DBF4B: variants seen among roughly 807,000 people sequenced by gnomAD.
The protein encoded by DBF4B is DBF4B-CDC7 kinase regulatory subunit.
A neutral mutation model predicts 53.4 loss-of-function variants in DBF4B; 49 were observed. That is an observed-to-expected ratio of 0.92 (90% CI 0.73 to 1.16). The LOEUF (loss-of-function observed/expected upper bound fraction) is 1.16. DBF4B is among the 50% of genes most tolerant of loss of function. The pLI, the probability that DBF4B is intolerant of heterozygous loss-of-function variation, is 0.00. For missense variants in DBF4B, 692 were observed against 775.0 expected (o/e 0.89, Z 1.27); for synonymous variants, 257 against 288.7 (o/e 0.89, Z 1.11).
At chr17:44,710,508 C>T (rs192099637) in intron 2 of DBF4B, among the ~76,000 whole-genome samples, 3 of 152,106 alleles carry the variant, frequency 2.0e-5, no homozygotes, top group East Asian at 1.9e-4. Context: ...TTGTAAGTGA[C>T]CTCCTTTTCT....
intron 2 of DBF4B, among the ~76,000 whole-genome samples, 187 bp from the exon 3 acceptor site, chr17:44,722,693 T>G (rs1973952906): frequency 6.6e-6 from 1 of 152,226 alleles, no homozygotes; most frequent in African/African-American, 2.4e-5. Flanking sequence ...TTATCTTGTT[T>G]GGAAGGTTCC....
In DBF4B at chr17:44,750,605, C is replaced by A; in HGVS notation, c.1200C>A (p.Gly400=). The A allele has an allele frequency of 6.2e-7, 1 of 1,609,940 alleles. No individual in the cohort carries two copies. The highest frequency in any genetic ancestry group is 8.5e-7 in the Non-Finnish European group (1 of 1,177,448). The change falls in exon 14 of 14, where the codon GGC becomes GGA. Residue 400 remains glycine, a synonymous_variant. Coordinates refer to ENST00000315005, the MANE Select transcript of DBF4B (RefSeq NM_145663.3). ...EDSCQASVTQ[G]RAAGQQRWTE... ...TGATCTGCCCTCCAGTGACCCAAGG[C>A]AGGGCTGCGGGCCAGCAGCGATGGA...
chr17:44,730,150 G>A, intron 4 of DBF4B, 54 bp downstream of exon 4: 1 of 1,564,992 alleles, frequency 6.4e-7, no homozygotes, highest in Non-Finnish European at 8.7e-7. Flanking sequence ...AGTAGGCTTT[G>A]GTGAGCCTTT....
At chr17:44,748,996 C>G (rs1357199540) in intron 13 of DBF4B, 2 of 1,289,838 alleles carry the variant, frequency 1.6e-6, no homozygotes, top group East Asian at 1.1e-4. Flanking sequence ...AGGGTGGCCC[C>G]CAGGGCCTGA....
At chr17:44,730,843 C>A in intron 4 of DBF4B, 122 bp from the exon 5 acceptor site, 1 of 965,510 alleles carries the variant, frequency 1.0e-6, no homozygotes, top group Non-Finnish European at 1.6e-6. Flanking sequence ...TCAGTTGTCA[C>A]TGCTCCCAGC....
chr17:44,718,468 G>A (rs887862027), intron 2 of DBF4B, among the ~76,000 whole-genome samples: 1 of 149,782 alleles, frequency 6.7e-6, no homozygotes, highest in African/African-American at 2.5e-5. Context: ...ATTATATCTC[G>A]TTAGTCTCCT....
In DBF4B at chr17:44,743,607, CTTTTTTTT is replaced by C. The variant is rs71136042; in HGVS notation, c.830+2169_830+2176del. Among the ~76,000 whole-genome samples the C allele has an allele frequency of 1.3e-3, 150 of 114,068 alleles. 1 individual carries two copies. The highest frequency in any genetic ancestry group is 8.9e-3 in the South Asian group (32 of 3,584). The allele number at this position is 114,068 out of a possible 152,430, so 74.8% of individuals were successfully genotyped here. A position where few individuals can be genotyped will look rare whatever the true frequency, so the allele number is the denominator to read the frequency against. On this transcript the variant is annotated intron_variant, in intron 10 of 13. Coordinates refer to ENST00000315005, the MANE Select transcript of DBF4B (RefSeq NM_145663.3). ...CCAGCATAGTCAATACTGTATGATT[CTTTTTTTT>C]TTTTTTTTTTTTTGAGAATGAGTCC...
chr17:44,736,277 C>G lies in DBF4B; in HGVS notation c.631-553C>G, dbSNP rs555932358. On this transcript the variant is annotated intron_variant, in intron 7 of 13. Coordinates refer to ENST00000315005, the MANE Select transcript of DBF4B (RefSeq NM_145663.3). The stretch of plus-strand genomic sequence containing the variant: ...GAAATTACAGACGTGAGCCACCACG[C>G]CCGGCCTCCATTTACTTTTTAATAT... Among the ~76,000 whole-genome samples the G allele has an allele frequency of 2.0e-5, 3 of 152,234 alleles. No individual in the cohort carries two copies. In the South Asian group the frequency reaches 6.2e-4, roughly 32 times the overall value.
chr17:44,712,959 G>A (rs138278903), intron 2 of DBF4B, among the ~76,000 whole-genome samples: 5 of 150,552 alleles, frequency 3.3e-5, no homozygotes, highest in African/African-American at 9.8e-5. Flanking sequence ...ACACACAAAC[G>A]CACATGCATT....
Position 44,722,848 on chromosome 17 carries a change from T to A in DBF4B, c.83-32T>A, listed in dbSNP as rs780610096. ...TGGCTTCAGGACTCTCTTTTCAAAC[T>A]TCTTACTTTGCTCCTCTTTATTGTT... On this transcript the variant is annotated intron_variant, in intron 2 of 13. Transcript: ENST00000315005. 1.4e-5 allele frequency: 22 copies of A among 1,611,298 alleles called. No individual in the cohort carries two copies. In the Middle Eastern group the frequency reaches 4.9e-4, roughly 36 times the overall value.
At chr17:44,733,972 A>G (rs1975096332) in intron 6 of DBF4B, 118 bp from the exon 7 acceptor site, 9 of 796,988 alleles carry the variant, frequency 1.1e-5, no homozygotes, top group Non-Finnish European at 1.7e-5. Context: ...GTGGCAGGCA[A>G]GGCTGGAGTG....
rs543100471 is a variant in DBF4B, at chr17:44,722,781, T to A, written c.83-99T>A. ...CTGTGTGTGCCCAGGGTCTAGTCTG[T>A]GCTATTATAGCACACAGACTGAGCT... On this transcript the variant is annotated intron_variant, in intron 2 of 13. Transcript: ENST00000315005. The A allele has an allele frequency of 8.7e-6, 12 of 1,372,750 alleles. No homozygotes were observed. In the African/African-American group the frequency reaches 1.3e-4, roughly 15 times the overall value. 85.0% of individuals were successfully genotyped at this position (1,372,750 alleles called of 1,614,324 possible). A position where few individuals can be genotyped will look rare whatever the true frequency, so the allele number is the denominator to read the frequency against.
intron 13 of DBF4B, chr17:44,748,961 C>T (rs1369222172): frequency 7.8e-7 from 1 of 1,289,776 alleles, no homozygotes; most frequent in African/African-American, 1.5e-5. Context: ...GAGTTCTGGG[C>T]CACACAGCCC....
intron 9 of DBF4B, among the ~76,000 whole-genome samples, chr17:44,741,024 A>T (rs1975959891): frequency 6.6e-6 from 1 of 152,028 alleles, no homozygotes; most frequent in Non-Finnish European, 1.5e-5. Context: ...AGTCCCAGCT[A>T]CTCGGGAGGC....
rs756373241 is a variant in DBF4B at position 44,750,686 on chromosome 17, C to T, written c.1281C>T (p.Ala427=). ...GPPASHTCVS[A]TTLLPALPKG... is the part of the protein sequence containing the mutation. ...CTGCAAGTCACACATGTGTGAGTGCCACAACCCTCCTGCCGGCCTTGCCCA... is the reference window on the plus strand; with the variant it reads ...CTGCAAGTCACACATGTGTGAGTGCTACAACCCTCCTGCCGGCCTTGCCCA... Residue 427 remains alanine (A), a synonymous_variant, in exon 14 of 14, where the codon GCC becomes GCT. Coordinates refer to ENST00000315005, the MANE Select transcript of DBF4B (RefSeq NM_145663.3). 6.2e-7 allele frequency: 1 copy of T among 1,614,082 alleles called. No homozygotes were observed. Among genetic ancestry groups the T allele is most frequent in the Non-Finnish European group, 8.5e-7 (1 of 1,180,040 alleles).
At chr17:44,741,084 G>A (rs1447826831) in intron 9 of DBF4B, among the ~76,000 whole-genome samples, 3 of 151,804 alleles carry the variant, frequency 2.0e-5, no homozygotes, top group Non-Finnish European at 2.9e-5. Flanking sequence ...GCAGTGAGCC[G>A]AGATCGCGCC....
chr17:44,721,756 G>A (rs954874311), intron 2 of DBF4B, among the ~76,000 whole-genome samples: 4 of 151,024 alleles, frequency 2.6e-5, no homozygotes, highest in African/African-American at 9.8e-5. Flanking sequence ...GATTGGTAAC[G>A]TGCTGCTCGA....
intron 8 of DBF4B, among the ~76,000 whole-genome samples, chr17:44,737,565 T>C (rs1975577909): frequency 6.6e-6 from 1 of 152,102 alleles, no homozygotes; most frequent in Non-Finnish European, 1.5e-5. Flanking sequence ...TCAAGTACAG[T>C]TGGGAGCTGT....
chr17:44,750,304 C>T (rs1021321235), intron 13 of DBF4B: 4 of 1,178,094 alleles, frequency 3.4e-6, no homozygotes, highest in African/African-American at 1.6e-5. Flanking sequence ...TCTCTGCGTC[C>T]GTGCATTTAA....
Sources: gnomAD v4.1 joint callset for allele counts (sites outside exome capture counted in the v4.1 genomes callset) on GRCh38, gnomAD v4.1.1 for gene constraint, MANE v1.5 for transcripts, NCBI Gene and HGNC (gene_info 2026-07-23, HGNC 2026-07-21) for gene names.